The following FHAD1 variants were observed in gnomAD, a reference collection of about 807,000 sequenced individuals.
FHAD1 encodes the protein forkhead-associated domain-containing protein 1.
Under a neutral mutation model 191.3 loss-of-function variants are expected in FHAD1, and 146 were observed. That is an observed-to-expected ratio of 0.76 (90% CI 0.67 to 0.88). The LOEUF is 0.88. Among genes scored for constraint, FHAD1 ranks in the 40% least tolerant of loss-of-function variants. The pLI is 0.00. For missense variants in FHAD1, 1,635 were observed against 1,785.8 expected (o/e 0.92, Z 1.52); for synonymous variants, 616 against 672.3 (o/e 0.92, Z 1.29).
At chr1:15,281,396 A>T (rs968570983) in intron 3 of FHAD1, among the ~76,000 whole-genome samples, 2 of 152,220 alleles carry the variant, frequency 1.3e-5, no homozygotes, top group Non-Finnish European at 2.9e-5. Context: ...TAGTGGTTCC[A>T]TGTGGATTTT....
At chr1:15,383,220 C>T (rs1701325970) in intron 31 of FHAD1, 1 of 471,048 alleles carries the variant, frequency 2.1e-6, no homozygotes, top group East Asian at 6.9e-5. Context: ...GCAGGCATCC[C>T]TCGCTATCTG....
chr1:15,309,085 T>G (rs1671441307), intron 7 of FHAD1, among the ~76,000 whole-genome samples: 1 of 152,236 alleles, frequency 6.6e-6, no homozygotes, highest in African/African-American at 2.4e-5. Flanking sequence ...TTGCTGTGAA[T>G]GCAAACTAGA....
intron 7 of FHAD1, among the ~76,000 whole-genome samples, chr1:15,310,185 C>A (rs1419410522): frequency 6.6e-6 from 1 of 152,206 alleles, no homozygotes; most frequent in African/African-American, 2.4e-5. Context: ...CTAAAGTCCC[C>A]CCTGCACAGC....
chr1:15,301,714 A>G (rs1447557212), intron 6 of FHAD1, among the ~76,000 whole-genome samples: 2 of 152,228 alleles, frequency 1.3e-5, no homozygotes, highest in Non-Finnish European at 2.9e-5. Context: ...TGACACATCC[A>G]TTCTACAGAT....
intron 3 of FHAD1, chr1:15,286,997 CCATT>C (rs1662683491): frequency 6.6e-6 from 1 of 152,268 alleles, no homozygotes; most frequent in East Asian, 1.9e-4. Context: ...CATCTTCAGC[CCATT>C]CATTCAATGA....
At chr1:15,239,692 A>G (rs1645144351) in intron 1 of FHAD1, among the ~76,000 whole-genome samples, 1 of 152,222 alleles carries the variant, frequency 6.6e-6, no homozygotes. Flanking sequence ...GGTACAGCCC[A>G]GGAACAGTGA....
intron 31 of FHAD1, among the ~76,000 whole-genome samples, chr1:15,385,730 G>C (rs72879944): frequency 0.028 from 4,210 of 152,140 alleles, 181 homozygotes; most frequent in African/African-American, 0.095. Flanking sequence ...AGCTATGATC[G>C]CACCACTGCC....
chr1:15,270,149 G>A (rs144063685), intron 2 of FHAD1, among the ~76,000 whole-genome samples: 47,920 of 151,876 alleles, frequency 0.32, 8,173 homozygotes, highest in East Asian at 0.55. Flanking sequence ...GACCTCAGGG[G>A]ATCTGCCCGC....
Position 15,387,515 on chromosome 1 carries a change from G to A in FHAD1, c.4189-536G>A, listed in dbSNP as rs2473337. ...TGTAATCCTAACACTTTGGGAGGCC[G>A]AGGCAGAAGGATGACTTGAGGCCAG... On this transcript the variant is annotated intron_variant, in intron 31 of 33. Transcript: ENST00000688493. Among the ~76,000 whole-genome samples the A allele has an allele frequency of 2.1e-3, 322 of 152,284 alleles. 1 individual carries two copies. The highest frequency in any genetic ancestry group is 7.2e-3 in the African/African-American group (301 of 41,556).
At chr1:15,344,522 G>A (rs1688080411) in intron 16 of FHAD1, among the ~76,000 whole-genome samples, 2 of 152,188 alleles carry the variant, frequency 1.3e-5, no homozygotes, top group Admixed American at 1.3e-4. Flanking sequence ...TGCAAAAGCA[G>A]CCATAGACAA....
At chr1:15,249,321 T>C (rs1373645850) in intron 1 of FHAD1, among the ~76,000 whole-genome samples, 1 of 151,922 alleles carries the variant, frequency 6.6e-6, no homozygotes, top group East Asian at 1.9e-4. Context: ...TCATTCAGAT[T>C]TGGGGTTTTA....
At chr1:15,243,947 C>A (rs138361141), upstream of FHAD1, among the ~76,000 whole-genome samples, 528 of 152,284 alleles carry the variant, frequency 3.5e-3, no homozygotes, top group Non-Finnish European at 6.0e-3. Context: ...TTCTCCCTGT[C>A]TCTGAGCCTT....
intron 14 of FHAD1, among the ~76,000 whole-genome samples, chr1:15,330,523 AG>A (rs1680813896): frequency 1.3e-5 from 2 of 152,304 alleles, no homozygotes; most frequent in African/African-American, 2.4e-5. Flanking sequence ...TTATGGTCTC[AG>A]GGGGAAGGAT....
At chr1:15,333,822 A>ATT (rs1682779495) in intron 14 of FHAD1, among the ~76,000 whole-genome samples, 1 of 68,378 alleles carries the variant, frequency 1.5e-5, no homozygotes, top group Admixed American at 1.5e-4. Flanking sequence ...TATTTTATTT[A>ATT]TCTTTTTTTT....
chr1:15,261,976 T>A (rs1422169123), intron 2 of FHAD1, among the ~76,000 whole-genome samples: 2 of 152,234 alleles, frequency 1.3e-5, no homozygotes, highest in East Asian at 3.9e-4. Context: ...GCTACTGCAC[T>A]CCAGCCTGGG....
intron 22 of FHAD1, among the ~76,000 whole-genome samples, chr1:15,362,010 A>C (rs536613308): frequency 6.3e-4 from 95 of 150,444 alleles, no homozygotes; most frequent in African/African-American, 2.3e-3. Context: ...CTCAAAAAAA[A>C]AAAAAAGAAA....
Position 15,374,581 on chromosome 1 carries a change from T to C in FHAD1, c.3527T>C (p.Leu1176Ser). The change falls in exon 27 of 34, where the codon TTA becomes TCA. Residue 1176 changes from leucine to serine, a missense_variant. By Grantham distance (145) the Leu-to-Ser change is moderately radical (BLOSUM62 -2). Transcript: ENST00000688493. ...GTCATTCAGCGTCAGAAAAAGGCCTTATCTGAACTTCGAGCGCGAATTAAA... is the reference window on the plus strand; with the variant it reads ...GTCATTCAGCGTCAGAAAAAGGCCTCATCTGAACTTCGAGCGCGAATTAAA... ...EEVIQRQKKA[L>S]SELRARIKEL... 1 of 1,551,644 alleles carries C rather than the reference T, an allele frequency of 6.4e-7. No individual in the cohort carries two copies. The highest frequency in any genetic ancestry group is 8.7e-7 in the Non-Finnish European group (1 of 1,146,998).
chr1:15,401,375 G>A (rs1707122875), downstream of FHAD1, among the ~76,000 whole-genome samples: 1 of 152,336 alleles, frequency 6.6e-6, no homozygotes, highest in South Asian at 2.1e-4. Context: ...ATTCTGAGAA[G>A]CTACCAGCAG....
chr1:15,272,252 T>C lies in FHAD1; in HGVS notation c.94-71T>C, dbSNP rs746869689. On this transcript the variant is annotated intron_variant, in intron 2 of 33. Coordinates refer to ENST00000688493, the MANE Select transcript of FHAD1 (RefSeq NM_001391957.1). The stretch of plus-strand genomic sequence containing the variant: ...GGCGGCGGCAAAACAGGTAAGGCAC[T>C]CAGCTCAAAACATTAGGGGCCGTGT... The C allele has an allele frequency of 7.5e-5, 106 of 1,405,082 alleles. 1 individual carries two copies. Among genetic ancestry groups the C allele is most frequent in the Non-Finnish European group, 9.9e-5 (101 of 1,022,258 alleles). The allele number at this position is 1,405,082 out of a possible 1,614,324, so 87.0% of individuals were successfully genotyped here.
Sources: allele counts gnomAD v4.1 joint callset (sites outside exome capture counted in the v4.1 genomes callset), GRCh38; gene constraint gnomAD v4.1.1; transcripts MANE v1.5; gene names NCBI Gene and HGNC (gene_info 2026-07-23, HGNC 2026-07-21).